The following CALCRL variants were observed in gnomAD, a reference collection of about 807,000 sequenced individuals.
CALCRL encodes calcitonin receptor like receptor, also known as calcitonin gene-related peptide type 1 receptor.
CALCRL carries 27 observed loss-of-function variants against 60.4 expected under a neutral mutation model. That is an observed-to-expected ratio of 0.45 (90% confidence interval 0.33 to 0.62). The LOEUF (loss-of-function observed/expected upper bound fraction) is 0.62. Among genes scored for constraint, CALCRL ranks in the 20% least tolerant of loss-of-function variants. The pLI, the probability that CALCRL is intolerant of heterozygous loss-of-function variation, is 0.03. For missense variants in CALCRL, 424 were observed against 540.7 expected (o/e 0.78, Z 2.14); for synonymous variants, 190 against 182.6 (o/e 1.04, Z -0.33).
chr2:187,422,374 C>A (rs1028553507), intron 1 of CALCRL, among the ~76,000 whole-genome samples: 1 of 152,046 alleles, frequency 6.6e-6, no homozygotes, highest in Non-Finnish European at 1.5e-5. Context: ...TCATCTAGTA[C>A]AATAGAATAT....
chr2:187,396,021 T>TTTTG (rs796644471), intron 1 of CALCRL, among the ~76,000 whole-genome samples: 3,832 of 63,808 alleles, frequency 0.06, 112 homozygotes, highest in East Asian at 0.3. Flanking sequence ...CCTGACACTG[T>TTTTG]TTGTTGTTGT....
intron 1 of CALCRL, among the ~76,000 whole-genome samples, chr2:187,400,243 G>A (rs2105821817): frequency 6.6e-6 from 1 of 151,170 alleles, no homozygotes; most frequent in Non-Finnish European, 1.5e-5. Context: ...AAATTGATGG[G>A]CAAAGGATCT....
chr2:187,407,867 T>G (rs1689201810), intron 1 of CALCRL, among the ~76,000 whole-genome samples: 1 of 152,124 alleles, frequency 6.6e-6, no homozygotes, highest in Admixed American at 6.6e-5. Context: ...GTGAGGCTGG[T>G]TCCAGCAGCA....
At chr2:187,424,756 T>C (rs904810978) in intron 1 of CALCRL, among the ~76,000 whole-genome samples, 7 of 151,970 alleles carry the variant, frequency 4.6e-5, no homozygotes, top group Admixed American at 1.3e-4. Flanking sequence ...TATGGCCTGA[T>C]TAAAAATTTT....
At position 187,361,986 on chromosome 2, in the gene CALCRL, A is replaced by G. The variant is rs932798127; in HGVS notation, c.628-1235T>C. On this transcript the variant is annotated intron_variant, in intron 9 of 14. Coordinates refer to ENST00000392370, the MANE Select transcript of CALCRL (RefSeq NM_005795.6). ...AGGTGAAAATGAGATAGTCTACTATATGGAGAGAAATCATAAATTTCAGCT... is the reference window on the plus strand; with the variant it reads ...AGGTGAAAATGAGATAGTCTACTATGTGGAGAGAAATCATAAATTTCAGCT... 5.3e-5 allele frequency among the ~76,000 whole-genome samples: 8 copies of G among 152,000 alleles called. No homozygotes were observed. In the South Asian group the frequency reaches 6.2e-4, roughly 12 times the overall value.
intron 1 of CALCRL, among the ~76,000 whole-genome samples, chr2:187,437,282 C>T (rs760713100): frequency 6.6e-6 from 1 of 152,020 alleles, no homozygotes; most frequent in African/African-American, 2.4e-5. Context: ...GTGGCTCACG[C>T]CTGTAATCGC....
At chr2:187,367,825 A>AT (rs1208713234) in intron 8 of CALCRL, among the ~76,000 whole-genome samples, 7 of 152,006 alleles carry the variant, frequency 4.6e-5, no homozygotes, top group Admixed American at 2.6e-4. Flanking sequence ...TGTATTTCAT[A>AT]TTTTTTACAT....
At chr2:187,370,405 A>G (rs1687469321) in intron 8 of CALCRL, among the ~76,000 whole-genome samples, 1 of 152,190 alleles carries the variant, frequency 6.6e-6, no homozygotes, top group Non-Finnish European at 1.5e-5. Flanking sequence ...GTTTTAATCT[A>G]TTCAAATAAT....
At chr2:187,352,016 T>A in intron 13 of CALCRL, 55 bp from the exon 14 acceptor site, 2 of 1,529,686 alleles carry the variant, frequency 1.3e-6, no homozygotes, top group African/African-American at 1.4e-5. Flanking sequence ...CATGTATTTG[T>A]AATCAAATAG....
chr2:187,360,292 C>A (rs1235619757), intron 10 of CALCRL, among the ~76,000 whole-genome samples: 2 of 151,924 alleles, frequency 1.3e-5, no homozygotes, highest in Admixed American at 6.6e-5. Context: ...AAGACTAAAT[C>A]TTTAATTTAT....
chr2:187,409,728 A>C (rs1689275420), intron 1 of CALCRL, among the ~76,000 whole-genome samples: 1 of 152,222 alleles, frequency 6.6e-6, no homozygotes, highest in Non-Finnish European at 1.5e-5. Flanking sequence ...CCTATGAAGG[A>C]AGAAGATGAC....
At chr2:187,423,139 C>T (rs1238843253) in intron 1 of CALCRL, among the ~76,000 whole-genome samples, 2 of 151,920 alleles carry the variant, frequency 1.3e-5, no homozygotes, top group African/African-American at 4.8e-5. Context: ...TATGTCTGAA[C>T]AATAACAATA....
intron 1 of CALCRL, among the ~76,000 whole-genome samples, chr2:187,403,680 T>TA (rs1270313376): frequency 6.6e-6 from 1 of 151,832 alleles, no homozygotes; most frequent in Admixed American, 6.6e-5. Flanking sequence ...GCTGTGTAAC[T>TA]AGAGGTAAAA....
At chr2:187,408,428 G>C (rs1689224362) in intron 1 of CALCRL, among the ~76,000 whole-genome samples, 1 of 151,872 alleles carries the variant, frequency 6.6e-6, no homozygotes, top group African/African-American at 2.4e-5. Flanking sequence ...GAGAAATAGA[G>C]AATCTAGAAA....
chr2:187,432,067 A>C (rs930504378), intron 1 of CALCRL, among the ~76,000 whole-genome samples: 2 of 152,134 alleles, frequency 1.3e-5, no homozygotes, highest in African/African-American at 2.4e-5. Flanking sequence ...ATATGGTCAT[A>C]GTGGAGTGAA....
At chr2:187,432,684 G>T (rs1480297506) in intron 1 of CALCRL, among the ~76,000 whole-genome samples, 4 of 151,950 alleles carry the variant, frequency 2.6e-5, no homozygotes, top group African/African-American at 9.7e-5. Flanking sequence ...TTTATAATTA[G>T]AATCATGTGG....
chr2:187,417,835 A>G (rs1386907352), intron 1 of CALCRL, among the ~76,000 whole-genome samples: 1 of 152,214 alleles, frequency 6.6e-6, no homozygotes, highest in Non-Finnish European at 1.5e-5. Context: ...TATGAACTAT[A>G]AAACCACCAC....
At chr2:187,399,095 G>T (rs943181528) in intron 1 of CALCRL, among the ~76,000 whole-genome samples, 6 of 151,560 alleles carry the variant, frequency 4.0e-5, no homozygotes, top group African/African-American at 1.2e-4. Flanking sequence ...TAGTCACTTT[G>T]CTGGGTCTTC....
rs1215933260 is a variant in CALCRL, at chr2:187,448,247, T to G, written c.-501A>C. 6.6e-6 allele frequency: 1 copy of G among 152,096 alleles called. No homozygotes were observed. The highest frequency in any genetic ancestry group is 1.5e-5 in the Non-Finnish European group (1 of 68,022). The allele number at this position is 152,096 out of a possible 1,614,324, so 9.4% of individuals were successfully genotyped here. A position where few individuals can be genotyped will look rare whatever the true frequency, so the allele number is the denominator to read the frequency against. ...CACTCTCTGCTGGAGAGAGAGAGGT[T>G]GTTCTGAGTAGATTGTAAGTGTTGT... On this transcript the variant is annotated 5_prime_UTR_variant, in exon 1 of 15. Transcript: ENST00000392370.
Sources: allele counts gnomAD v4.1 joint callset (sites outside exome capture counted in the v4.1 genomes callset), GRCh38; gene constraint gnomAD v4.1.1; transcripts MANE v1.5; gene names NCBI Gene and HGNC (gene_info 2026-07-23, HGNC 2026-07-21).